Variants in PKDCC observed in about 807,000 individuals in gnomAD.
The protein encoded by PKDCC is extracellular tyrosine-protein kinase PKDCC.
PKDCC carries 35 observed loss-of-function variants against 44.7 expected under a neutral mutation model. The observed-to-expected ratio is 0.78, with a 90% CI of 0.60 to 1.04. PKDCC has a LOEUF of 1.04. Ranked by LOEUF, PKDCC falls within the 50% of genes least tolerant of loss-of-function variation. The pLI, the probability that PKDCC is intolerant of heterozygous loss-of-function variation, is 0.00. For missense variants in PKDCC, 738 were observed against 672.7 expected (o/e 1.10, Z -1.07); for synonymous variants, 353 against 303.3 (o/e 1.16, Z -1.70).
chr2:42,055,011 A>T lies in PKDCC; in HGVS notation c.1105A>T (p.Asn369Tyr). The change falls in exon 4 of 7, where the codon AAC becomes TAC. Residue 369 changes from asparagine (N) to tyrosine (Y), a missense_variant. Coordinates refer to ENST00000294964, the MANE Select transcript of PKDCC (RefSeq NM_138370.3). The surrounding 1 kb of genome is among the most constrained non-coding windows in gnomAD (Gnocchi z 4.5). ...SLRPLLDSIV[N>Y]ATGELAWGVD... ...GCGTCCTCTGCTGGACAGCATCGTC[A>T]ACGCCACAGGTGAGCTCTCCAGGGC... 1 of 1,613,852 alleles carries T rather than the reference A, an allele frequency of 6.2e-7. No homozygotes were observed. Among genetic ancestry groups the T allele is most frequent in the Non-Finnish European group, 8.5e-7 (1 of 1,179,786 alleles).
chr2:42,057,922 G>T lies in PKDCC; in HGVS notation c.*234G>T, dbSNP rs761057182. The T allele has an allele frequency of 3.6e-6, 2 of 551,036 alleles. No homozygotes were observed. Among genetic ancestry groups the T allele is most frequent in the Non-Finnish European group, 6.5e-6 (2 of 308,004 alleles). The allele number at this position is 551,036 out of a possible 1,614,324, so 34.1% of individuals were successfully genotyped here. A position where few individuals can be genotyped will look rare whatever the true frequency, so the allele number is the denominator to read the frequency against. On this transcript the variant is annotated 3_prime_UTR_variant, in exon 7 of 7. Transcript: ENST00000294964. ...GGCTCCTAGTCCAGGAATCATGGGGGTATGACTGCCTCTCCAACCCTGTGG... is the reference window on the plus strand; with the variant it reads ...GGCTCCTAGTCCAGGAATCATGGGGTTATGACTGCCTCTCCAACCCTGTGG...
chr2:42,048,524 T>C lies in PKDCC; in HGVS notation c.325T>C (p.Ser109Pro), dbSNP rs187184761. ...CCGGCCCCCTTGGGCCCGGCCCCTG[T>C]CCGACGGCGCCCCAGGCTGGCCCCC... ...RPRPPWARPLSDGAPGWPPAP... is the reference protein window; with the variant it reads ...RPRPPWARPLPDGAPGWPPAP... The change falls in exon 1 of 7, where the codon TCC becomes CCC. Residue 109 changes from serine to proline, a missense_variant. Ser to Pro is a moderately conservative substitution (Grantham distance 74). Transcript: ENST00000294964. The surrounding 1 kb of genome is among the most constrained non-coding windows in gnomAD (Gnocchi z 6.2). 0.14 allele frequency: 164,251 copies of C among 1,202,592 alleles called. 13,563 individuals are homozygous for C. The highest frequency in any genetic ancestry group is 0.41 in the East Asian group (10,615 of 25,930). 74.5% of individuals were successfully genotyped at this position (1,202,592 alleles called of 1,614,324 possible). A position where few individuals can be genotyped will look rare whatever the true frequency, so the allele number is the denominator to read the frequency against.
At position 42,048,774 on chromosome 2, in the gene PKDCC, C is replaced by A; in HGVS notation, c.575C>A (p.Ala192Glu). 1.3e-6 allele frequency: 2 copies of A among 1,532,526 alleles called. No homozygotes were observed. The highest frequency in any genetic ancestry group is 1.2e-5 in the South Asian group (1 of 81,768). 94.9% of individuals were successfully genotyped at this position (1,532,526 alleles called of 1,614,324 possible). The change falls in exon 1 of 7, where the codon GCG (alanine) becomes GAG (glutamate). Residue 192 changes from alanine to glutamate, a missense_variant. Physicochemically the swap from Ala to Glu is moderately radical, Grantham distance 107. Coordinates refer to ENST00000294964, the MANE Select transcript of PKDCC (RefSeq NM_138370.3). The surrounding 1 kb of genome is among the most constrained non-coding windows in gnomAD (Gnocchi z 6.2). ...FGVRRGCYRL[A>E]AHKLLKEMVL... ...GTACGGAGGGGCTGCTATCGGCTGG[C>A]GGCCCACAAGCTGCTTAAGGAGATG...
chr2:42,051,772 TC>T lies in PKDCC; in HGVS notation c.640-1462del, dbSNP rs2103926130. On this transcript the variant is annotated intron_variant, in intron 1 of 6. Coordinates refer to ENST00000294964, the MANE Select transcript of PKDCC (RefSeq NM_138370.3). This position sits in a 1 kb window ranked among gnomAD's most constrained non-coding sequence, Gnocchi z 4.2. ...AAGTCACAGCCCAAGAGTGAGGCCTTCCCCCATGCCAGCAGGATGACGGGGA... is the reference window on the plus strand; with the variant it reads ...AAGTCACAGCCCAAGAGTGAGGCCTTCCCCATGCCAGCAGGATGACGGGGA... 6.6e-6 allele frequency among the ~76,000 whole-genome samples: 1 copy of T among 151,628 alleles called. No individual in the cohort carries two copies. Among genetic ancestry groups the T allele is most frequent in the South Asian group, 2.1e-4 (1 of 4,776 alleles).
intron 6 of PKDCC, 91 bp downstream of exon 6, chr2:42,057,485 G>T (rs1351335201): frequency 2.5e-6 from 4 of 1,572,020 alleles, no homozygotes; most frequent in African/African-American, 1.4e-5. Context: ...GTCAGAGGGG[G>T]TGCTGAGGTG....
rs1360377405 is a variant in PKDCC at position 42,048,187 on chromosome 2, G to A, written c.-13G>A. The A allele has an allele frequency of 5.2e-5, 58 of 1,118,240 alleles. No homozygotes were observed. The East Asian group carries it at 1.6e-3, about 31-fold the overall frequency. The allele number at this position is 1,118,240 out of a possible 1,614,324, so 69.3% of individuals were successfully genotyped here. A position where few individuals can be genotyped will look rare whatever the true frequency, so the allele number is the denominator to read the frequency against. On this transcript the variant is annotated 5_prime_UTR_variant, in exon 1 of 7. Coordinates refer to ENST00000294964, the MANE Select transcript of PKDCC (RefSeq NM_138370.3). The surrounding 1 kb of genome is among the most constrained non-coding windows in gnomAD (Gnocchi z 6.2). ...GAGCCGCGCGGGGCCGGCCGGCCGGGGGGAGGGGAGCGATGCGGCGCCGGC... is the reference window on the plus strand; with the variant it reads ...GAGCCGCGCGGGGCCGGCCGGCCGGAGGGAGGGGAGCGATGCGGCGCCGGC...
chr2:42,050,218 C>G (rs1667943469), intron 1 of PKDCC, among the ~76,000 whole-genome samples: 1 of 152,204 alleles, frequency 6.6e-6, no homozygotes, highest in South Asian at 2.1e-4. Flanking sequence ...CCTGGCTGCA[C>G]AGCTCACACC....
chr2:42,050,602 A>T (rs1667948492), intron 1 of PKDCC, among the ~76,000 whole-genome samples: 1 of 152,138 alleles, frequency 6.6e-6, no homozygotes, highest in Non-Finnish European at 1.5e-5. Context: ...GGCACCAAAG[A>T]AAAAATTACA....
chr2:42,055,464 G>C lies in PKDCC; in HGVS notation c.1222+71G>C. 1 of 1,361,726 alleles carries C rather than the reference G, an allele frequency of 7.3e-7. No homozygotes were observed. Among genetic ancestry groups the C allele is most frequent in the Non-Finnish European group, 1.0e-6 (1 of 975,334 alleles). 84.4% of individuals were successfully genotyped at this position (1,361,726 alleles called of 1,614,324 possible). On this transcript the variant is annotated intron_variant, in intron 5 of 6. Transcript: ENST00000294964. The surrounding 1 kb of genome is among the most constrained non-coding windows in gnomAD (Gnocchi z 4.5). ...GAGGGTGAATGACCCCGCCCAATTA[G>C]GCTAAGTGGCTCACCCTTTCTCTGG...
Position 42,054,749 on chromosome 2 carries a change from GT to G in PKDCC, c.1035-190del. ...GGCCCCTGGTTTCGGTTAGTATGAA[GT>G]TAGGTGTGGTGTTAGCATGTGCCCA... On this transcript the variant is annotated intron_variant, in intron 3 of 6. Transcript: ENST00000294964. The surrounding 1 kb of genome is among the most constrained non-coding windows in gnomAD (Gnocchi z 6.1). The G allele has an allele frequency of 1.5e-6, 1 of 660,466 alleles. No individual in the cohort carries two copies. The highest frequency in any genetic ancestry group is 2.4e-5 in the Admixed American group (1 of 41,380). 40.9% of individuals were successfully genotyped at this position (660,466 alleles called of 1,614,324 possible). A position where few individuals can be genotyped will look rare whatever the true frequency, so the allele number is the denominator to read the frequency against.
chr2:42,057,176 C>T, intron 5 of PKDCC, 45 bp from the exon 6 acceptor site: 1 of 1,600,260 alleles, frequency 6.2e-7, no homozygotes, highest in Non-Finnish European at 8.6e-7. Flanking sequence ...GGCACTCAAA[C>T]CTGGGCATAC....
chr2:42,050,571 G>C (rs1398761245), intron 1 of PKDCC, among the ~76,000 whole-genome samples: 1 of 152,128 alleles, frequency 6.6e-6, no homozygotes, highest in Non-Finnish European at 1.5e-5. Context: ...TGAAATGTCA[G>C]GCCCCCAGCC....
rs1212331491 is a variant in PKDCC at position 42,054,442 on chromosome 2, C to G, written c.1034+135C>G. ...ACCAGAGCAAGGGAAGGCTTCTACC[C>G]TGTCCAGAAGGGAACATTCAGGCCT... On this transcript the variant is annotated intron_variant, in intron 3 of 6. Transcript: ENST00000294964. This position sits in a 1 kb window ranked among gnomAD's most constrained non-coding sequence, Gnocchi z 6.1. 1 of 1,097,448 alleles carries G rather than the reference C, an allele frequency of 9.1e-7. No homozygotes were observed. Among genetic ancestry groups the G allele is most frequent in the East Asian group, 2.6e-5 (1 of 38,520 alleles). The allele number at this position is 1,097,448 out of a possible 1,614,324, so 68.0% of individuals were successfully genotyped here.
Position 42,057,632 on chromosome 2 carries a change from T to A in PKDCC, c.1426T>A (p.Trp476Arg), listed in dbSNP as rs778153180. ...GCAGCTGGTCTTTTTCAAGACTGGA[T>A]GGAGCCAAGTGGTCCCTGATCCCAA... ...GRQLVFFKTG[W>R]SQVVPDPNKT... is the part of the protein sequence containing the mutation. The change falls in exon 7 of 7, where the codon TGG becomes AGG. Residue 476 changes from tryptophan (W) to arginine (R), a missense_variant. Trp to Arg is a moderately radical substitution (Grantham distance 101, BLOSUM62 -3). Coordinates refer to ENST00000294964, the MANE Select transcript of PKDCC (RefSeq NM_138370.3). The A allele has an allele frequency of 6.2e-7, 1 of 1,614,034 alleles. No individual in the cohort carries two copies. The highest frequency in any genetic ancestry group is 8.5e-7 in the Non-Finnish European group (1 of 1,180,004).
chr2:42,050,420 C>T (rs1460799956), intron 1 of PKDCC, among the ~76,000 whole-genome samples: 1 of 152,086 alleles, frequency 6.6e-6, no homozygotes, highest in Non-Finnish European at 1.5e-5. Context: ...ACTCAAGACC[C>T]CTCTCCCTTC....
Position 42,048,448 on chromosome 2 carries a change from GC to G in PKDCC, c.250del (p.Arg84GlyfsTer4). On this transcript the variant is annotated frameshift_variant, in exon 1 of 7. Transcript: ENST00000294964. LOFTEE classifies it high-confidence loss of function. The surrounding 1 kb of genome is among the most constrained non-coding windows in gnomAD (Gnocchi z 6.2). ...GPGPGAGRPE[R>X]RRLMDLAPGG... The stretch of plus-strand genomic sequence containing the variant: ...CCGGGCCCGGGGCGGGCCGGCCGGA[GC>G]GGCGGCGCCTGATGGACCTGGCTCC... 1 of 1,100,836 alleles carries G rather than the reference GC, an allele frequency of 9.1e-7. No individual in the cohort carries two copies. Among genetic ancestry groups the G allele is most frequent in the South Asian group, 4.0e-5 (1 of 25,286 alleles). 68.2% of individuals were successfully genotyped at this position (1,100,836 alleles called of 1,614,324 possible). A position where few individuals can be genotyped will look rare whatever the true frequency, so the allele number is the denominator to read the frequency against.
In PKDCC at chr2:42,048,199, G is replaced by A. The variant is rs1667895419; in HGVS notation, c.-1G>A. The A allele has an allele frequency of 8.6e-7, 1 of 1,161,618 alleles. No homozygotes were observed. Among genetic ancestry groups the A allele is most frequent in the Middle Eastern group, 3.7e-4 (1 of 2,688 alleles). 72.0% of individuals were successfully genotyped at this position (1,161,618 alleles called of 1,614,324 possible). On this transcript the variant is annotated 5_prime_UTR_variant, in exon 1 of 7. Coordinates refer to ENST00000294964, the MANE Select transcript of PKDCC (RefSeq NM_138370.3). This position sits in a 1 kb window ranked among gnomAD's most constrained non-coding sequence, Gnocchi z 6.2. ...GCCGGCCGGCCGGGGGGAGGGGAGC[G>A]ATGCGGCGCCGGCGGGCGGCAGTGG... is the stretch of plus-strand genomic sequence containing the variant.
Position 42,055,268 on chromosome 2 carries a change from C to G in PKDCC, c.1115-18C>G, listed in dbSNP as rs911497153. On this transcript the variant is annotated intron_variant, in intron 4 of 6. Coordinates refer to ENST00000294964, the MANE Select transcript of PKDCC (RefSeq NM_138370.3). This position sits in a 1 kb window ranked among gnomAD's most constrained non-coding sequence, Gnocchi z 4.5. ...GGGAGCCCCAGGCATCCTGTCTTAG[C>G]CACACTGCACTCTGCAGGAGAGCTC... is the stretch of plus-strand genomic sequence containing the variant. The G allele has an allele frequency of 6.2e-7, 1 of 1,605,720 alleles. No individual in the cohort carries two copies. The highest frequency in any genetic ancestry group is 1.3e-5 in the African/African-American group (1 of 74,952).
chr2:42,048,510 G>A lies in PKDCC; in HGVS notation c.311G>A (p.Trp104Ter). 1.8e-6 allele frequency: 2 copies of A among 1,129,242 alleles called. No individual in the cohort carries two copies. Among genetic ancestry groups the A allele is most frequent in the Non-Finnish European group, 2.2e-6 (2 of 926,304 alleles). The allele number at this position is 1,129,242 out of a possible 1,614,324, so 70.0% of individuals were successfully genotyped here. ...GGCCTGCCGCGCCCCCGGCCCCCTT[G>A]GGCCCGGCCCCTGTCCGACGGCGCC... ...GPGLPRPRPP[W>*]ARPLSDGAPG... Residue 104 changes from tryptophan to a stop codon, truncating the protein, a stop_gained, in exon 1 of 7, where the codon TGG becomes TAG. Coordinates refer to ENST00000294964, the MANE Select transcript of PKDCC (RefSeq NM_138370.3). LOFTEE classifies it high-confidence loss of function. The surrounding 1 kb of genome is among the most constrained non-coding windows in gnomAD (Gnocchi z 6.2).
Sources: allele counts gnomAD v4.1 joint callset (sites outside exome capture counted in the v4.1 genomes callset), GRCh38; gene constraint gnomAD v4.1.1; non-coding constraint Gnocchi (gnomAD v3.1); transcripts MANE v1.5; gene names NCBI Gene and HGNC (gene_info 2026-07-23, HGNC 2026-07-21).